Variants in CPNE5 observed in about 807,000 individuals in gnomAD.
CPNE5 encodes the protein copine 5.
CPNE5 carries 42 observed loss-of-function variants against 81.1 expected under a neutral mutation model. The ratio of observed to expected loss-of-function variants is 0.52; its 90% CI spans 0.40 to 0.67. The LOEUF (loss-of-function observed/expected upper bound fraction) is 0.67, where lower values mean the gene tolerates loss of function less well. CPNE5 is among the 30% of genes least tolerant of loss of function. The pLI, the probability that CPNE5 is intolerant of heterozygous loss-of-function variation, is 0.00. For synonymous variants in CPNE5, 313 were observed against 321.5 expected, an observed-to-expected ratio of 0.97 and a Z score of 0.28; for missense variants, 612 against 815.5, an observed-to-expected ratio of 0.75 and a Z score of 3.04.
intron 3 of CPNE5, among the ~76,000 whole-genome samples, chr6:36,805,102 C>A (rs748198307): frequency 6.6e-6 from 1 of 152,110 alleles, no homozygotes; most frequent in Non-Finnish European, 1.5e-5. Context: ...GGCAGGAACA[C>A]AACTGAAGAG....
At chr6:36,749,483 T>C (rs1764560699) in intron 14 of CPNE5, among the ~76,000 whole-genome samples, 1 of 152,132 alleles carries the variant, frequency 6.6e-6, no homozygotes, top group Non-Finnish European at 1.5e-5. Context: ...TATGGTATTG[T>C]GGTTATGTTT....
intron 7 of CPNE5, among the ~76,000 whole-genome samples, chr6:36,793,665 T>C (rs890195725): frequency 1.3e-5 from 2 of 152,150 alleles, no homozygotes; most frequent in African/African-American, 4.8e-5. Flanking sequence ...GCCTCCCCAG[T>C]TGCTGCTTCT....
intron 13 of CPNE5, 167 bp downstream of exon 13, chr6:36,756,078 G>T: frequency 1.6e-6 from 1 of 608,366 alleles, no homozygotes; most frequent in Non-Finnish European, 2.9e-6. Context: ...CTCTCCCCTG[G>T]CTGTTGCTCC....
chr6:36,749,998 G>A (rs929054), intron 14 of CPNE5, among the ~76,000 whole-genome samples: 27,937 of 152,138 alleles, frequency 0.18, 2,656 homozygotes, highest in African/African-American at 0.23. Flanking sequence ...GAATCACTAC[G>A]GGTGCTTGCT....
intron 4 of CPNE5, 134 bp downstream of exon 4, chr6:36,799,833 G>A: frequency 1.6e-6 from 1 of 644,636 alleles, no homozygotes; most frequent in Non-Finnish European, 2.8e-6. Context: ...TCAGCTAATT[G>A]TCACTTCTAT....
intron 12 of CPNE5, among the ~76,000 whole-genome samples, chr6:36,762,270 A>G (rs1436133621): frequency 2.0e-5 from 3 of 149,726 alleles, no homozygotes; most frequent in Non-Finnish European, 3.0e-5. Context: ...ATGCACACGC[A>G]TACACACACA....
At position 36,746,705 on chromosome 6, in the gene CPNE5, A is replaced by C; in HGVS notation, c.1019-128T>G. The C allele has an allele frequency of 5.2e-6, 4 of 766,004 alleles. No homozygotes were observed. Among genetic ancestry groups the C allele is most frequent in the Non-Finnish European group, 6.3e-6 (3 of 479,924 alleles). 47.5% of individuals were successfully genotyped at this position (766,004 alleles called of 1,614,324 possible). On this transcript the variant is annotated intron_variant, in intron 15 of 20. Coordinates refer to ENST00000244751, the MANE Select transcript of CPNE5 (RefSeq NM_020939.2). The surrounding 1 kb of genome is among the most constrained non-coding windows in gnomAD (Gnocchi z 4.5). ...AATTCTTGACTCCTCTCTTTCTCTCATACCCCATGTTAAATCCTTCAGCAA... is the reference window on the plus strand; with the variant it reads ...AATTCTTGACTCCTCTCTTTCTCTCCTACCCCATGTTAAATCCTTCAGCAA...
In CPNE5 at chr6:36,746,377, C is replaced by G; in HGVS notation, c.1200+19G>C. On this transcript the variant is annotated intron_variant, in intron 16 of 20. Coordinates refer to ENST00000244751, the MANE Select transcript of CPNE5 (RefSeq NM_020939.2). The surrounding 1 kb of genome is among the most constrained non-coding windows in gnomAD (Gnocchi z 4.5). ...CCCCAGCCTGATCAGTCCTCTCTCC[C>G]ACCAGCGGGACCACCTACCAGTGGG... 1 of 1,602,998 alleles carries G rather than the reference C, an allele frequency of 6.2e-7. No homozygotes were observed. Among genetic ancestry groups the G allele is most frequent in the Non-Finnish European group, 8.5e-7 (1 of 1,175,380 alleles).
chr6:36,791,409 A>G (rs1455263551), intron 8 of CPNE5, among the ~76,000 whole-genome samples: 1 of 152,126 alleles, frequency 6.6e-6, no homozygotes, highest in Non-Finnish European at 1.5e-5. Context: ...ACAAATACTG[A>G]CCATCACCAT....
intron 7 of CPNE5, chr6:36,792,486 A>T: frequency 1.0e-6 from 1 of 964,972 alleles, no homozygotes; most frequent in Non-Finnish European, 1.5e-6. Context: ...ACCCCACCTC[A>T]CACCCAGCTG....
At chr6:36,831,638 C>CAAAAAA (rs35409136) in intron 1 of CPNE5, among the ~76,000 whole-genome samples, 25 of 83,886 alleles carry the variant, frequency 3.0e-4, no homozygotes, top group East Asian at 2.3e-3. Context: ...GACACCATCT[C>CAAAAAA]AAAAAAAAAA....
At chr6:36,771,732 C>A (rs1407231023) in intron 10 of CPNE5, among the ~76,000 whole-genome samples, 4 of 151,844 alleles carry the variant, frequency 2.6e-5, no homozygotes, top group Admixed American at 2.0e-4. Flanking sequence ...ACAGTGGCCC[C>A]ATTTTCCTGC....
At chr6:36,810,729 A>G (rs1771030226) in intron 3 of CPNE5, among the ~76,000 whole-genome samples, 1 of 152,222 alleles carries the variant, frequency 6.6e-6, no homozygotes, top group African/African-American at 2.4e-5. Context: ...TGCAGTGAGG[A>G]AAACCAGGCC....
chr6:36,750,472 C>T (rs1764686496), intron 14 of CPNE5, among the ~76,000 whole-genome samples: 2 of 152,142 alleles, frequency 1.3e-5, no homozygotes, highest in African/African-American at 4.8e-5. Context: ...CAGAGGATTC[C>T]AGGCAGTAGG....
chr6:36,819,785 G>T (rs1394585885), intron 3 of CPNE5, among the ~76,000 whole-genome samples: 1 of 152,114 alleles, frequency 6.6e-6, no homozygotes, highest in African/African-American at 2.4e-5. Context: ...GGAGACCCCA[G>T]GCGGAGTCTC....
chr6:36,779,904 TCCAGACC>T (rs1767872946), intron 8 of CPNE5, among the ~76,000 whole-genome samples: 2 of 151,694 alleles, frequency 1.3e-5, no homozygotes, highest in African/African-American at 4.8e-5. Context: ...GGCTCTGTCG[TCCAGACC>T]CCAGGACTTG....
intron 12 of CPNE5, among the ~76,000 whole-genome samples, chr6:36,760,555 A>G (rs1765925536): frequency 6.6e-6 from 1 of 152,126 alleles, no homozygotes; most frequent in African/African-American, 2.4e-5. Context: ...GCCTGAGATG[A>G]GGGGAACGAT....
chr6:36,839,406 G>A lies in CPNE5; in HGVS notation c.-29C>T. 6.6e-7 allele frequency: 1 copy of A among 1,521,240 alleles called. No homozygotes were observed. Among genetic ancestry groups the A allele is most frequent in the South Asian group, 1.2e-5 (1 of 81,738 alleles). The allele number at this position is 1,521,240 out of a possible 1,614,324, so 94.2% of individuals were successfully genotyped here. A position where few individuals can be genotyped will look rare whatever the true frequency, so the allele number is the denominator to read the frequency against. ...CCACCGCACCCCCCACCCCAAATTA[G>A]TCAATCCCTGCGCGATTCACGCCTC... On this transcript the variant is annotated 5_prime_UTR_variant, in exon 1 of 21. Transcript: ENST00000244751. The surrounding 1 kb of genome is among the most constrained non-coding windows in gnomAD (Gnocchi z 7.3).
At chr6:36,776,774 G>C (rs1767545296) in intron 9 of CPNE5, among the ~76,000 whole-genome samples, 1 of 152,174 alleles carries the variant, frequency 6.6e-6, no homozygotes, top group Non-Finnish European at 1.5e-5. Flanking sequence ...GGGCACAGCA[G>C]GTGCCTCCTT....
Sources: gnomAD v4.1 joint callset for allele counts (sites outside exome capture counted in the v4.1 genomes callset) on GRCh38, gnomAD v4.1.1 for gene constraint, Gnocchi (gnomAD v3.1) non-coding constraint, MANE v1.5 for transcripts, NCBI Gene and HGNC (gene_info 2026-07-23, HGNC 2026-07-21) for gene names.